The following BICDL1 variants were observed in gnomAD, a reference collection of about 807,000 sequenced individuals.
BICDL1 encodes BICD family-like cargo adapter 1.
Under a neutral mutation model 76.8 loss-of-function variants are expected in BICDL1, and 20 were observed. The ratio of observed to expected loss-of-function variants is 0.26; its 90% CI spans 0.18 to 0.38. The LOEUF (loss-of-function observed/expected upper bound fraction) is 0.38. Among genes scored for constraint, BICDL1 ranks in the 10% least tolerant of loss-of-function variants. The probability of loss-of-function intolerance (pLI) is 1.00; values close to 1 mark genes in which losing one functional copy is unlikely to be tolerated. For missense variants in BICDL1, 700 were observed against 798.6 expected, an observed-to-expected ratio of 0.88 and a Z score of 1.49; for synonymous variants, 383 against 337.1, an observed-to-expected ratio of 1.14 and a Z score of -1.49.
intron 2 of BICDL1, among the ~76,000 whole-genome samples, chr12:120,031,603 A>G (rs1407154876): frequency 1.3e-5 from 2 of 152,234 alleles, no homozygotes; most frequent in East Asian, 1.9e-4. Flanking sequence ...TACATACTTC[A>G]GTTTCCTTTT....
chr12:120,022,428 T>A (rs1221001393), intron 2 of BICDL1, among the ~76,000 whole-genome samples: 1 of 147,234 alleles, frequency 6.8e-6, no homozygotes, highest in African/African-American at 2.5e-5. Context: ...ATATATTTTT[T>A]ATATTATATA....
At chr12:120,024,278 C>T (rs944373679) in intron 2 of BICDL1, among the ~76,000 whole-genome samples, 1 of 152,000 alleles carries the variant, frequency 6.6e-6, no homozygotes, top group Non-Finnish European at 1.5e-5. Context: ...AAGACTCCAT[C>T]TCAAAACAAA....
At position 119,990,186 on chromosome 12, in the gene BICDL1, G is replaced by A. The variant is rs560592174; in HGVS notation, c.318G>A (p.Lys106=). 1 of 1,558,130 alleles carries A rather than the reference G, an allele frequency of 6.4e-7. No individual in the cohort carries two copies. The highest frequency in any genetic ancestry group is 8.7e-7 in the Non-Finnish European group (1 of 1,151,412). Residue 106 remains lysine, a synonymous_variant, in exon 1 of 10, where the codon AAG becomes AAA. Transcript: ENST00000548673. ...AGCTGCTGTCGGTGATCCGACAGAA[G>A]GAGAAGGATCTGGTGTTGGCGGCCC... ...DPELLSVIRQ[K]EKDLVLAARL... is the part of the protein sequence containing the mutation.
In BICDL1 at chr12:119,998,640, G is replaced by A; in HGVS notation, c.549G>A (p.Arg183=). Residue 183 remains arginine (R), a synonymous_variant, in exon 2 of 10, where the codon AGG becomes AGA. Transcript: ENST00000548673. ...DVKQLQDELE[R]QQIHLREADR... is the part of the protein sequence containing the mutation. The stretch of plus-strand genomic sequence containing the variant: ...AGCAGCTACAGGATGAGTTGGAGAG[G>A]CAGCAGATTCATCTGCGGGAAGCAG... The A allele has an allele frequency of 6.2e-7, 1 of 1,614,098 alleles. No individual in the cohort carries two copies. The highest frequency in any genetic ancestry group is 1.3e-5 in the African/African-American group (1 of 75,020).
At chr12:119,993,803 A>C (rs1218562070) in intron 1 of BICDL1, among the ~76,000 whole-genome samples, 5 of 152,026 alleles carry the variant, frequency 3.3e-5, no homozygotes, top group African/African-American at 1.2e-4. Context: ...TTTTTTAGAG[A>C]TGGGGTTTCA....
At chr12:120,090,711 GCCGTCTGTGGCTTTACAAGGTAAGC>G in intron 9 of BICDL1, 1 of 374,514 alleles carries the variant, frequency 2.7e-6, no homozygotes, top group South Asian at 2.0e-5. Flanking sequence ...CAGATGAAAA[GCCGTCTGTGGCTTTACAAGGTAAGC>G]CCCCCGTGGA....
chr12:120,087,352 G>A (rs533307517), intron 8 of BICDL1, among the ~76,000 whole-genome samples: 1 of 152,382 alleles, frequency 6.6e-6, no homozygotes, highest in Admixed American at 6.5e-5. Flanking sequence ...CGGCGGGCGG[G>A]GCGCACTTGC....
chr12:120,065,989 T>A (rs1015783251), intron 4 of BICDL1, among the ~76,000 whole-genome samples: 3 of 152,212 alleles, frequency 2.0e-5, no homozygotes, highest in Non-Finnish European at 2.9e-5. Flanking sequence ...CAGTCAATGT[T>A]GAGTAGAAAA....
chr12:120,014,757 G>C (rs1331809185), intron 2 of BICDL1, among the ~76,000 whole-genome samples: 1 of 151,562 alleles, frequency 6.6e-6, no homozygotes, highest in African/African-American at 2.4e-5. Context: ...TCAACACTTG[G>C]GAGGCCAAGG....
At chr12:120,003,783 C>T (rs984873646) in intron 2 of BICDL1, among the ~76,000 whole-genome samples, 2 of 152,202 alleles carry the variant, frequency 1.3e-5, no homozygotes, top group Non-Finnish European at 2.9e-5. Context: ...GCAGGTTGGT[C>T]AGTTACAGAG....
rs540312181 is a variant in BICDL1 at position 120,077,474 on chromosome 12, G to A, written c.1452+2888G>A. Reference sequence around the variant, plus strand: ...CGATTAGTCTGTAGAATATGAACACGTTATCGGTGAGGCCCTCAGCCAGTT... The same window carrying A: ...CGATTAGTCTGTAGAATATGAACACATTATCGGTGAGGCCCTCAGCCAGTT... On this transcript the variant is annotated intron_variant, in intron 7 of 9. Transcript: ENST00000548673. Among the ~76,000 whole-genome samples, 18 of 140,996 alleles carry A rather than the reference G, an allele frequency of 1.3e-4. 1 individual carries two copies. Among genetic ancestry groups the A allele is most frequent in the African/African-American group, 3.1e-4 (12 of 39,070 alleles). The allele number at this position is 140,996 out of a possible 152,430, so 92.5% of individuals were successfully genotyped here. A position where few individuals can be genotyped will look rare whatever the true frequency, so the allele number is the denominator to read the frequency against.
At chr12:120,022,886 G>A (rs1313642261) in intron 2 of BICDL1, among the ~76,000 whole-genome samples, 2 of 152,186 alleles carry the variant, frequency 1.3e-5, no homozygotes, top group East Asian at 3.8e-4. Context: ...ATTCATAGGA[G>A]GGAGTAGCAG....
chr12:120,090,980 G>GT (rs1566274458), intron 9 of BICDL1: 2 of 1,288,740 alleles, frequency 1.6e-6, no homozygotes, highest in Admixed American at 2.3e-5. Context: ...CTCAGTTCCC[G>GT]TATCAACAGC....
intron 1 of BICDL1, among the ~76,000 whole-genome samples, chr12:119,998,205 T>G (rs117252792): frequency 0.01 from 1,585 of 152,270 alleles, 16 homozygotes; most frequent in South Asian, 0.028. Flanking sequence ...AAATGTATAG[T>G]TCACCAATTG....
chr12:120,087,924 C>A (rs1874563739), intron 8 of BICDL1, among the ~76,000 whole-genome samples: 1 of 152,176 alleles, frequency 6.6e-6, no homozygotes, highest in Admixed American at 6.5e-5. Context: ...CTTGAACACA[C>A]AGGCAGTTTT....
chr12:120,092,111 G>C (rs757554725), intron 9 of BICDL1: 3 of 985,292 alleles, frequency 3.0e-6, no homozygotes. Context: ...TCTAAAGCAG[G>C]AGTTTTCAAA....
intron 1 of BICDL1, among the ~76,000 whole-genome samples, chr12:119,997,233 A>G (rs1337575996): frequency 6.6e-6 from 1 of 152,190 alleles, no homozygotes; most frequent in Non-Finnish European, 1.5e-5. Context: ...GGCGTGTGCC[A>G]CCGCGCCTGG....
chr12:120,069,799 C>G (rs1264100054), intron 4 of BICDL1, among the ~76,000 whole-genome samples: 1 of 152,128 alleles, frequency 6.6e-6, no homozygotes, highest in Non-Finnish European at 1.5e-5. Context: ...GATCAAGATA[C>G]AGACCACGAT....
chr12:120,091,718 C>T, intron 9 of BICDL1: 1 of 985,300 alleles, frequency 1.0e-6, no homozygotes, highest in Non-Finnish European at 1.2e-6. Flanking sequence ...TCACTGCTAC[C>T]CCACGATGAC....
Sources: allele counts gnomAD v4.1 joint callset (sites outside exome capture counted in the v4.1 genomes callset), GRCh38; gene constraint gnomAD v4.1.1; transcripts MANE v1.5; gene names NCBI Gene and HGNC (gene_info 2026-07-23, HGNC 2026-07-21).